The following ARHGAP22 variants were observed in gnomAD, a reference collection of about 807,000 sequenced individuals.
ARHGAP22 encodes rho GTPase-activating protein 22.
In ARHGAP22, 48 loss-of-function variants were observed where a neutral mutation model predicts 59.1. That is an observed-to-expected ratio of 0.81 (90% CI 0.64 to 1.03). The LOEUF is 1.03. Ranked by LOEUF, ARHGAP22 falls within the 50% of genes least tolerant of loss-of-function variation. ARHGAP22 has a pLI of 0.00. For synonymous variants in ARHGAP22, 445 were observed against 416.4 expected, an observed-to-expected ratio of 1.07 and a Z score of -0.84; for missense variants, 1,015 against 958.7, an observed-to-expected ratio of 1.06 and a Z score of -0.78.
At chr10:48,527,079 T>C (rs113697976) in intron 3 of ARHGAP22, among the ~76,000 whole-genome samples, 207 of 152,312 alleles carry the variant, frequency 1.4e-3, no homozygotes, top group African/African-American at 4.8e-3. Context: ...GCAGATGCCA[T>C]GAGATTCAAT....
At chr10:48,584,711 C>T (rs1213647315) in intron 1 of ARHGAP22, among the ~76,000 whole-genome samples, 6 of 152,190 alleles carry the variant, frequency 3.9e-5, no homozygotes, top group Non-Finnish European at 8.8e-5. Context: ...TTACATAGTA[C>T]TGGCTGGGCG....
chr10:48,551,654 T>C (rs1176070542), intron 3 of ARHGAP22, among the ~76,000 whole-genome samples: 1 of 152,216 alleles, frequency 6.6e-6, no homozygotes, highest in African/African-American at 2.4e-5. Context: ...CTTTATATAC[T>C]GACCATGTCG....
At chr10:48,612,778 TC>T (rs1258198722) in intron 1 of ARHGAP22, among the ~76,000 whole-genome samples, 1 of 152,184 alleles carries the variant, frequency 6.6e-6, no homozygotes, top group African/African-American at 2.4e-5. Context: ...TCTGCCATGT[TC>T]CCCATTCCTG....
intron 3 of ARHGAP22, among the ~76,000 whole-genome samples, chr10:48,506,507 A>C (rs2052156508): frequency 1.3e-5 from 2 of 152,252 alleles, no homozygotes; most frequent in African/African-American, 4.8e-5. Flanking sequence ...ATGATGTGGC[A>C]CATGACTGTA....
At chr10:48,476,633 C>T (rs772039034) in intron 4 of ARHGAP22, among the ~76,000 whole-genome samples, 2 of 152,218 alleles carry the variant, frequency 1.3e-5, no homozygotes, top group African/African-American at 2.4e-5. Flanking sequence ...AGGAGATAAG[C>T]GCCTTTGATG....
intron 3 of ARHGAP22, among the ~76,000 whole-genome samples, chr10:48,480,363 T>C (rs1220120416): frequency 3.3e-5 from 5 of 152,224 alleles, no homozygotes; most frequent in Non-Finnish European, 7.4e-5. Flanking sequence ...CAGTTGCTTG[T>C]GAACTGACTT....
intron 3 of ARHGAP22, among the ~76,000 whole-genome samples, chr10:48,543,427 A>C (rs1349846007): frequency 6.6e-6 from 1 of 152,038 alleles, no homozygotes; most frequent in Non-Finnish European, 1.5e-5. Flanking sequence ...TGGCTCACCC[A>C]CTCTGCTCAG....
In ARHGAP22 at chr10:48,559,963, C is replaced by T. The variant is rs375341258; in HGVS notation, c.235-4413G>A. Reference sequence around the variant, plus strand: ...TCAAATTTGAAGTAGATTCATGTACCCAAATTGTTTCAGATATACTGTAGT... The same window carrying T: ...TCAAATTTGAAGTAGATTCATGTACTCAAATTGTTTCAGATATACTGTAGT... On this transcript the variant is annotated intron_variant, in intron 2 of 9. Coordinates refer to ENST00000249601, the MANE Select transcript of ARHGAP22 (RefSeq NM_021226.4). 9.2e-4 allele frequency among the ~76,000 whole-genome samples: 140 copies of T among 152,070 alleles called. No homozygotes were observed. The East Asian group carries it at 0.022, about 24-fold the overall frequency.
chr10:48,435,458 T>C, the ARHGAP22 span: 1 of 152,172 alleles, frequency 6.6e-6, no homozygotes, highest in East Asian at 1.9e-4. Context: ...GATGTTTTGT[T>C]CATGATACTA....
At chr10:48,434,808 G>T in the ARHGAP22 span, 2 of 1,288,888 alleles carry the variant, frequency 1.6e-6, no homozygotes, top group Non-Finnish European at 2.1e-6. Flanking sequence ...TACCACTGGA[G>T]GCAGTCAGTG....
chr10:48,653,859 G>A (rs555655432), upstream of ARHGAP22, among the ~76,000 whole-genome samples: 2 of 152,314 alleles, frequency 1.3e-5, no homozygotes, highest in African/African-American at 4.8e-5. Context: ...GGCAAATAAA[G>A]GTGTAGGATG....
At chr10:48,457,813 G>C (rs1337804609) in intron 5 of ARHGAP22, among the ~76,000 whole-genome samples, 4 of 152,214 alleles carry the variant, frequency 2.6e-5, no homozygotes, top group African/African-American at 9.6e-5. Flanking sequence ...CTGCGGAAGG[G>C]GCCAGGACAG....
intron 3 of ARHGAP22, among the ~76,000 whole-genome samples, chr10:48,487,244 C>T (rs1476030054): frequency 6.6e-6 from 1 of 152,076 alleles, no homozygotes; most frequent in African/African-American, 2.4e-5. Flanking sequence ...TTTTTTTTCT[C>T]TGTGTGTTTT....
intron 3 of ARHGAP22, chr10:48,546,708 G>T: frequency 6.4e-6 from 1 of 156,972 alleles, no homozygotes; most frequent in South Asian, 1.8e-4. Context: ...CGTTGGCCAA[G>T]GGAAATCCTG....
At chr10:48,529,406 G>T (rs1365712023) in intron 3 of ARHGAP22, among the ~76,000 whole-genome samples, 13 of 152,188 alleles carry the variant, frequency 8.5e-5, no homozygotes, top group Admixed American at 8.5e-4. Context: ...GGTAGCAGAA[G>T]TGACTCTGGA....
chr10:48,604,148 A>C (rs1340758035), intron 1 of ARHGAP22, among the ~76,000 whole-genome samples: 1 of 152,180 alleles, frequency 6.6e-6, no homozygotes, highest in Non-Finnish European at 1.5e-5. Context: ...CTGGCTGGAC[A>C]CAGGCTGGCT....
At chr10:48,570,932 C>T (rs1184879944) in intron 2 of ARHGAP22, among the ~76,000 whole-genome samples, 1 of 152,234 alleles carries the variant, frequency 6.6e-6, no homozygotes, top group Non-Finnish European at 1.5e-5. Context: ...GGAAACTGCC[C>T]TGCTCTGGCC....
At chr10:48,479,461 G>C in intron 4 of ARHGAP22, 175 bp downstream of exon 4, 2 of 1,163,384 alleles carry the variant, frequency 1.7e-6, no homozygotes, top group Non-Finnish European at 2.4e-6. Context: ...GTACACGGCA[G>C]CCGTTGGGTG....
At chr10:48,493,484 A>G (rs1037949848) in intron 3 of ARHGAP22, 5 of 1,535,910 alleles carry the variant, frequency 3.3e-6, no homozygotes, top group Non-Finnish European at 4.4e-6. Context: ...ATGGGCCAGA[A>G]GGGCATGGTG....
Sources: gnomAD v4.1 joint callset for allele counts (sites outside exome capture counted in the v4.1 genomes callset) on GRCh38, gnomAD v4.1.1 for gene constraint, MANE v1.5 for transcripts, NCBI Gene and HGNC (gene_info 2026-07-23, HGNC 2026-07-21) for gene names.